SMARCA4: variants seen among roughly 807,000 people sequenced by gnomAD.
The protein encoded by SMARCA4 is SWI/SNF-related matrix-associated actin-dependent regulator of chromatin subfamily A member 4.
In SMARCA4, 31 loss-of-function variants were observed where a neutral mutation model predicts 193.9. That is an observed-to-expected ratio of 0.16 (90% confidence interval 0.12 to 0.22). The LOEUF (loss-of-function observed/expected upper bound fraction) is 0.22, where lower values mean the gene tolerates loss of function less well. SMARCA4 is among the 10% of genes least tolerant of loss of function. The pLI, the probability that SMARCA4 is intolerant of heterozygous loss-of-function variation, is 1.00. For missense variants in SMARCA4, 1,148 were observed against 2,296.0 expected, an observed-to-expected ratio of 0.50 and a Z score of 10.22; for synonymous variants, 942 against 933.1, an observed-to-expected ratio of 1.01 and a Z score of -0.17.
Position 11,010,374 on chromosome 19 carries a change from C to A in SMARCA4, c.2124-7C>A, listed in dbSNP as rs1327774042. On this transcript the variant is annotated splice_region_variant and splice_polypyrimidine_tract_variant and intron_variant, in intron 14 of 34. Coordinates refer to ENST00000344626, the MANE Select transcript of SMARCA4 (RefSeq NM_003072.5). Reference sequence around the variant, plus strand: ...GTCCTTACCCGGCACCTCCATCTCACTCCCAGGAATGCCAAGCAAGATGTC... The same window carrying A: ...GTCCTTACCCGGCACCTCCATCTCAATCCCAGGAATGCCAAGCAAGATGTC... 1 of 1,613,992 alleles carries A rather than the reference C, an allele frequency of 6.2e-7. No individual in the cohort carries two copies. The highest frequency in any genetic ancestry group is 8.5e-7 in the Non-Finnish European group (1 of 1,179,998).
chr19:11,011,915 A>C, intron 15 of SMARCA4: 1 of 152,266 alleles, frequency 6.6e-6, no homozygotes, highest in Non-Finnish European at 1.5e-5. Flanking sequence ...GAAATGGAGC[A>C]GGTCAAAACT....
At chr19:10,981,632 C>A (rs975225778) in intron 1 of SMARCA4, among the ~76,000 whole-genome samples, 1 of 152,202 alleles carries the variant, frequency 6.6e-6, no homozygotes, top group Non-Finnish European at 1.5e-5. Flanking sequence ...CTGCTGTTAG[C>A]CATGAAAGTG....
rs2146671377 is a variant in SMARCA4, at chr19:11,033,926, C to T, written c.3873+61C>T. On this transcript the variant is annotated intron_variant, in intron 27 of 34. Coordinates refer to ENST00000344626, the MANE Select transcript of SMARCA4 (RefSeq NM_003072.5). The surrounding 1 kb of genome is among the most constrained non-coding windows in gnomAD (Gnocchi z 9.8). The stretch of plus-strand genomic sequence containing the variant: ...TCCTCGGCTTCTCGGCTGAGACGGC[C>T]AGCAAGGGCCCTGGTCCCACGGAGC... The T allele has an allele frequency of 1.3e-6, 1 of 758,420 alleles. No individual in the cohort carries two copies. The highest frequency in any genetic ancestry group is 1.4e-5 in the South Asian group (1 of 73,308). 47.0% of individuals were successfully genotyped at this position (758,420 alleles called of 1,614,324 possible).
chr19:11,024,196 C>T (rs1439273206), intron 20 of SMARCA4, 135 bp from the exon 21 acceptor site: 2 of 713,376 alleles, frequency 2.8e-6, no homozygotes, highest in African/African-American at 1.7e-5. Context: ...CTGTGAGGGT[C>T]TCCTCACCCA....
intron 13 of SMARCA4, among the ~76,000 whole-genome samples, chr19:11,005,261 C>T (rs1032170684): frequency 6.6e-6 from 1 of 152,196 alleles, no homozygotes; most frequent in Non-Finnish European, 1.5e-5. Context: ...TCCTGGGGCT[C>T]AGTCTGTGAA....
intron 13 of SMARCA4, among the ~76,000 whole-genome samples, chr19:11,007,124 G>T (rs2146172968): frequency 6.6e-6 from 1 of 151,692 alleles, no homozygotes; most frequent in East Asian, 1.9e-4. Flanking sequence ...GGAATCTGTG[G>T]TGGGGAAACC....
rs1201999715 is a variant in SMARCA4, at chr19:11,041,231, C to G, written c.4171-76C>G. The G allele has an allele frequency of 2.5e-5, 37 of 1,497,624 alleles. No individual in the cohort carries two copies. Among genetic ancestry groups the G allele is most frequent in the Non-Finnish European group, 2.9e-5 (32 of 1,109,350 alleles). The allele number at this position is 1,497,624 out of a possible 1,614,324, so 92.8% of individuals were successfully genotyped here. On this transcript the variant is annotated intron_variant, in intron 29 of 34. Coordinates refer to ENST00000344626, the MANE Select transcript of SMARCA4 (RefSeq NM_003072.5). This position sits in a 1 kb window ranked among gnomAD's most constrained non-coding sequence, Gnocchi z 5.6. ...GCCCTCCTCCGTGTCCCAGCCCGGC[C>G]CCTGGGATTGCGTCGCGGCCTCTGC...
Position 10,986,394 on chromosome 19 carries a change from C to T in SMARCA4, c.561C>T (p.Tyr187=), listed in dbSNP as rs1305866080. 6.3e-7 allele frequency: 1 copy of T among 1,599,096 alleles called. No individual in the cohort carries two copies. The highest frequency in any genetic ancestry group is 8.5e-7 in the Non-Finnish European group (1 of 1,173,298). ...LHQLRAQIMA[Y]KMLARGQPLP... is the part of the protein sequence containing the mutation. Reference sequence around the variant, plus strand: ...AGCTCAGAGCTCAGATCATGGCCTACAAGATGCTGGCCAGGGGGCAGCCCC... The same window carrying T: ...AGCTCAGAGCTCAGATCATGGCCTATAAGATGCTGGCCAGGGGGCAGCCCC... The change falls in exon 4 of 35, where the codon TAC becomes TAT. Residue 187 remains tyrosine, a synonymous_variant. Coordinates refer to ENST00000344626, the MANE Select transcript of SMARCA4 (RefSeq NM_003072.5). This position sits in a 1 kb window ranked among gnomAD's most constrained non-coding sequence, Gnocchi z 6.7.
intron 30 of SMARCA4, among the ~76,000 whole-genome samples, chr19:11,047,444 T>C (rs2076007208): frequency 6.6e-6 from 1 of 151,154 alleles, no homozygotes; most frequent in African/African-American, 2.4e-5. Flanking sequence ...AGTCTCACTC[T>C]GTCACTCAGG....
At chr19:11,061,675 C>A in intron 34 of SMARCA4, 109 bp from the exon 35 acceptor site, 1 of 1,093,410 alleles carries the variant, frequency 9.1e-7, no homozygotes, top group Non-Finnish European at 1.4e-6. Flanking sequence ...CGTGCCCGGC[C>A]CACATCAGTG....
Position 11,022,783 on chromosome 19 carries a change from C to T in SMARCA4, c.2860-735C>T, listed in dbSNP as rs145136474. Among the ~76,000 whole-genome samples the T allele has an allele frequency of 1.3e-4, 20 of 152,238 alleles. 1 individual carries two copies. The highest frequency in any genetic ancestry group is 1.7e-4 in the African/African-American group (7 of 41,550). On this transcript the variant is annotated intron_variant, in intron 19 of 34. Coordinates refer to ENST00000344626, the MANE Select transcript of SMARCA4 (RefSeq NM_003072.5). ...GCAGAGACTCTTCTGATGGCGAAAC[C>T]GAGGCATTCCCCAAAGCCTCGTGAT...
chr19:11,052,009 C>A (rs916780248), intron 30 of SMARCA4, among the ~76,000 whole-genome samples: 1 of 152,070 alleles, frequency 6.6e-6, no homozygotes, highest in East Asian at 1.9e-4. Context: ...GCAGGAGAAT[C>A]GCTTGAACCC....
rs1435905909 is a variant in SMARCA4, at chr19:11,019,732, A to G, written c.2616+31A>G. On this transcript the variant is annotated intron_variant, in intron 18 of 34. Coordinates refer to ENST00000344626, the MANE Select transcript of SMARCA4 (RefSeq NM_003072.5). This position sits in a 1 kb window ranked among gnomAD's most constrained non-coding sequence, Gnocchi z 6.1. ...GTGTCCCTGTGGGAAATGCCAGGCC[A>G]TGGGCCGAGTGCTCACACGTGGGTC... is the stretch of plus-strand genomic sequence containing the variant. 2.0e-6 allele frequency: 3 copies of G among 1,494,110 alleles called. No homozygotes were observed. Among genetic ancestry groups the G allele is most frequent in the East Asian group, 2.3e-5 (1 of 44,240 alleles). The allele number at this position is 1,494,110 out of a possible 1,614,324, so 92.6% of individuals were successfully genotyped here.
intron 9 of SMARCA4, 95 bp downstream of exon 9, chr19:10,995,096 C>T (rs762911434): frequency 5.0e-5 from 60 of 1,198,058 alleles, no homozygotes; most frequent in Middle Eastern, 1.9e-4. Flanking sequence ...CAAGGCATTT[C>T]ACAGCTCGGA....
intron 11 of SMARCA4, 38 bp downstream of exon 11, chr19:10,996,582 G>T: frequency 1.3e-6 from 2 of 1,589,318 alleles, no homozygotes; most frequent in Non-Finnish European, 1.7e-6. Context: ...TATCAAGCTA[G>T]CCCTAAGGCG....
At chr19:11,061,204 AATATATATATATATATATATATATAT>A (rs55894159) in intron 34 of SMARCA4, among the ~76,000 whole-genome samples, 1 of 45,226 alleles carries the variant, frequency 2.2e-5, no homozygotes, top group Non-Finnish European at 3.8e-5. Context: ...AAAAAAAAAA[AATATATATATATATATATATATATAT>A]ATATATATAT....
At chr19:11,055,082 C>T (rs2076466093) in intron 30 of SMARCA4, among the ~76,000 whole-genome samples, 1 of 152,188 alleles carries the variant, frequency 6.6e-6, no homozygotes, top group Admixed American at 6.5e-5. Context: ...GGGAACTCTG[C>T]ACCAGAGCGG....
chr19:11,026,458 T>A (rs2090266269), intron 23 of SMARCA4, 112 bp downstream of exon 23: 2 of 806,596 alleles, frequency 2.5e-6, no homozygotes, highest in African/African-American at 3.4e-5. Context: ...AGGCAGAAAA[T>A]TAGAAAATAC....
intron 23 of SMARCA4, among the ~76,000 whole-genome samples, chr19:11,026,656 C>T (rs2090284447): frequency 6.6e-6 from 1 of 152,042 alleles, no homozygotes; most frequent in South Asian, 2.1e-4. Context: ...CCTGCCACCA[C>T]CCAGCTAATT....
Sources: allele counts gnomAD v4.1 joint callset (sites outside exome capture counted in the v4.1 genomes callset), GRCh38; gene constraint gnomAD v4.1.1; non-coding constraint Gnocchi (gnomAD v3.1); transcripts MANE v1.5; gene names NCBI Gene and HGNC (gene_info 2026-07-23, HGNC 2026-07-21).